Variants in ASPM observed in about 807,000 individuals in gnomAD.
ASPM encodes abnormal spindle-like microcephaly-associated protein.
In ASPM, 256 loss-of-function variants were observed where a neutral mutation model predicts 366.4. That is an observed-to-expected ratio of 0.70 (90% confidence interval 0.63 to 0.77). ASPM has a LOEUF of 0.77. Among genes scored for constraint, ASPM ranks in the 30% least tolerant of loss-of-function variants. The pLI is 0.00. For synonymous variants in ASPM, 1,414 were observed against 1,342.9 expected, an observed-to-expected ratio of 1.05 and a Z score of -1.16; for missense variants, 4,146 against 4,090.4, an observed-to-expected ratio of 1.01 and a Z score of -0.37.
rs532630414 is a variant in ASPM at position 197,090,082 on chromosome 1, C to T, written c.9832G>A (p.Val3278Ile). 2.2e-5 allele frequency: 35 copies of T among 1,613,004 alleles called. No individual in the cohort carries two copies. The highest frequency in any genetic ancestry group is 2.8e-5 in the Non-Finnish European group (33 of 1,179,508). Residue 3278 changes from valine to isoleucine, a missense_variant and splice_region_variant, in exon 25 of 28, where the codon GTA (valine) becomes ATA (isoleucine). Val to Ile is a conservative substitution (Grantham distance 29). Transcript: ENST00000367409. The stretch of plus-strand genomic sequence containing the variant: ...CAAAGTGGAGACAATCTAGTAACTA[C>T]CTCTGAAAGAAAAAAAAAACACACA... ...AILEALKHLEVVTRLSPLCCE... is the reference protein window; with the variant it reads ...AILEALKHLEIVTRLSPLCCE...
At chr1:197,116,619 T>C (rs567208699) in intron 17 of ASPM, among the ~76,000 whole-genome samples, 12 of 152,110 alleles carry the variant, frequency 7.9e-5, no homozygotes, top group African/African-American at 2.9e-4. Context: ...TTGAAGAGAC[T>C]GAATACATTT....
chr1:197,085,933 T>C (rs918095385), intron 27 of ASPM, among the ~76,000 whole-genome samples: 1 of 152,118 alleles, frequency 6.6e-6, no homozygotes, highest in Non-Finnish European at 1.5e-5. Context: ...ACATCAAAAT[T>C]TTAAGAGAAT....
chr1:197,103,253 T>C lies in ASPM; in HGVS notation c.5998A>G (p.Ile2000Val), dbSNP rs1657262854. ...WKIMKKAALL[I>V]QKYYRAYSIG... is the part of the protein sequence containing the mutation. ...CTGTAAGCCCTATAATACTTTTGAA[T>C]CAGAAGAGCAGCTTTTTTCATGATT... Residue 2000 changes from isoleucine to valine, a missense_variant, in exon 18 of 28, where the codon ATT (isoleucine) becomes GTT (valine). By Grantham distance (29) the Ile-to-Val change is conservative. Coordinates refer to ENST00000367409, the MANE Select transcript of ASPM (RefSeq NM_018136.5). The C allele has an allele frequency of 6.2e-7, 1 of 1,612,884 alleles. No individual in the cohort carries two copies. The highest frequency in any genetic ancestry group is 8.5e-7 in the Non-Finnish European group (1 of 1,179,340).
intron 17 of ASPM, among the ~76,000 whole-genome samples, chr1:197,111,824 C>T (rs898501561): frequency 3.9e-5 from 6 of 152,100 alleles, no homozygotes; most frequent in African/African-American, 1.4e-4. Context: ...TACTATCTCA[C>T]ATCAATCATA....
In ASPM at chr1:197,142,778, T is replaced by C. The variant is rs149075351; in HGVS notation, c.1474A>G (p.Ile492Val). 220 of 1,613,564 alleles carry C rather than the reference T, an allele frequency of 1.4e-4. No homozygotes were observed. The highest frequency in any genetic ancestry group is 2.2e-4 in the East Asian group (10 of 44,882). Residue 492 changes from isoleucine (I) to valine (V), a missense_variant, in exon 3 of 28, where the codon ATA becomes GTA. Physicochemically the swap from Ile to Val is conservative, Grantham distance 29. Around this residue, in one of 3 missense-constraint regions of ASPM, gnomAD observed 3,624 missense variants for 3,591.7 expected, o/e 1.01. Transcript: ENST00000367409. Reference protein sequence around the residue: ...SHNKQPKRRPILSATVTKRKA... With the variant: ...SHNKQPKRRPVLSATVTKRKA... ...CTTTTAGTAACAGTGGCAGAAAGTA[T>C]TGGACGTCTCTTAGGTTGTTTATTG...
intron 4 of ASPM, 139 bp from the exon 5 acceptor site, chr1:197,135,381 G>A (rs986437959): frequency 2.3e-6 from 2 of 863,656 alleles, no homozygotes; most frequent in Non-Finnish European, 3.8e-6. Context: ...GCAGGAAAGA[G>A]CTGAAAGCAT....
At chr1:197,108,839 T>C (rs901859412) in intron 17 of ASPM, among the ~76,000 whole-genome samples, 5 of 151,694 alleles carry the variant, frequency 3.3e-5, no homozygotes, top group Non-Finnish European at 5.9e-5. Context: ...AGTGTGGTGG[T>C]ACATGCCTGT....
At chr1:197,094,466 T>C (rs1055305408) in intron 19 of ASPM, among the ~76,000 whole-genome samples, 8 of 151,684 alleles carry the variant, frequency 5.3e-5, no homozygotes, top group Admixed American at 3.3e-4. Context: ...AAATAAAGTA[T>C]GGTTACCCAG....
chr1:197,136,106 A>G (rs1031834484), intron 4 of ASPM, among the ~76,000 whole-genome samples: 1 of 152,360 alleles, frequency 6.6e-6, no homozygotes, highest in South Asian at 2.1e-4. Flanking sequence ...AAAATAATGA[A>G]GAAACCTGTC....
intron 10 of ASPM, among the ~76,000 whole-genome samples, chr1:197,125,496 G>A (rs1571617190): frequency 6.6e-6 from 1 of 152,246 alleles, no homozygotes; most frequent in Middle Eastern, 3.4e-3. Context: ...ACAGAAAAGA[G>A]AGGAGAGGGA....
chr1:197,088,168 T>C (rs779782384), intron 26 of ASPM, 88 bp downstream of exon 26: 2 of 1,417,384 alleles, frequency 1.4e-6, no homozygotes, highest in Admixed American at 3.7e-5. Context: ...TATTTTAGAG[T>C]GATAATTACT....
chr1:197,121,144 G>A (rs1029330563), intron 16 of ASPM, among the ~76,000 whole-genome samples: 17 of 151,628 alleles, frequency 1.1e-4, no homozygotes, highest in African/African-American at 3.9e-4. Flanking sequence ...ATTTTTTTTG[G>A]TTTTCCAAAT....
At chr1:197,139,667 G>T in intron 4 of ASPM, 100 bp downstream of exon 4, 2 of 947,132 alleles carry the variant, frequency 2.1e-6, no homozygotes, top group Non-Finnish European at 3.5e-6. Context: ...CTTCCAGGCT[G>T]TTATTCAACA....
rs1446230254 is a variant in ASPM, at chr1:197,090,852, G to C, written c.9634C>G (p.Gln3212Glu). 6.2e-7 allele frequency: 1 copy of C among 1,611,920 alleles called. No homozygotes were observed. Among genetic ancestry groups the C allele is most frequent in the Non-Finnish European group, 8.5e-7 (1 of 1,178,602 alleles). The change falls in exon 23 of 28, where the codon CAG (glutamine) becomes GAG (glutamate). Residue 3212 changes from glutamine to glutamate, a missense_variant and splice_region_variant. Around this residue, in one of 3 missense-constraint regions of ASPM, gnomAD observed 3,624 missense variants for 3,591.7 expected, o/e 1.01. Transcript: ENST00000367409. The part of the protein sequence containing the change: ...EKFTSGIIKI[Q>E]ALWRGYSWRK... The stretch of plus-strand genomic sequence containing the variant: ...AAAACTATACAAGTTTCAATTACCT[G>C]AATTTTAATGATTCCACTAGTGAAT...
chr1:197,124,742 G>A, intron 12 of ASPM, 128 bp downstream of exon 12: 2 of 730,910 alleles, frequency 2.7e-6, no homozygotes, highest in South Asian at 3.0e-5. Context: ...ATTTATCACA[G>A]TTACTGGGGC....
chr1:197,100,478 G>A lies in ASPM; in HGVS notation c.8773C>T (p.Gln2925Ter). The part of the protein sequence containing the change: ...IIQARSKGFI[Q>*]KRKFQEIKNS... ...TTAATTTCCTGAAACTTCCGTTTCT[G>A]TATAAATCCTTTACTTCTAGCTTGA... is the stretch of plus-strand genomic sequence containing the variant. The change falls in exon 18 of 28, where the codon CAG becomes TAG. Residue 2925 changes from glutamine (Q) to a stop codon, truncating the protein, a stop_gained. Transcript: ENST00000367409. LOFTEE classifies it high-confidence loss of function. The A allele has an allele frequency of 6.3e-7, 1 of 1,599,070 alleles. No individual in the cohort carries two copies. The highest frequency in any genetic ancestry group is 8.5e-7 in the Non-Finnish European group (1 of 1,171,938).
chr1:197,130,394 G>A (rs987482387), intron 7 of ASPM, among the ~76,000 whole-genome samples: 10 of 152,004 alleles, frequency 6.6e-5, no homozygotes, highest in Non-Finnish European at 1.3e-4. Flanking sequence ...GTCCCATTAA[G>A]TACATCGTGA....
rs150187456 is a variant in ASPM at position 197,133,944 on chromosome 1, T to C, written c.2174-349A>G. On this transcript the variant is annotated intron_variant, in intron 5 of 27. Coordinates refer to ENST00000367409, the MANE Select transcript of ASPM (RefSeq NM_018136.5). ...ATAATTTTTAAAAACCAATTGAATTTTGAAATGTAATTTAATCTTTTATAA... is the reference window on the plus strand; with the variant it reads ...ATAATTTTTAAAAACCAATTGAATTCTGAAATGTAATTTAATCTTTTATAA... 6.9e-4 allele frequency among the ~76,000 whole-genome samples: 105 copies of C among 152,318 alleles called. 1 individual carries two copies. In the East Asian group the frequency reaches 0.02, roughly 29 times the overall value.
chr1:197,114,082 C>G (rs1199093434), intron 17 of ASPM, among the ~76,000 whole-genome samples: 2 of 152,082 alleles, frequency 1.3e-5, no homozygotes, highest in African/African-American at 4.8e-5. Flanking sequence ...CAGTTCCAGA[C>G]CACCACAATA....
Sources: allele counts gnomAD v4.1 joint callset (sites outside exome capture counted in the v4.1 genomes callset), GRCh38; gene constraint gnomAD v4.1.1; regional missense constraint gnomAD v4.1.1; transcripts MANE v1.5; gene names NCBI Gene and HGNC (gene_info 2026-07-23, HGNC 2026-07-21).